Variants in PTPRD observed in about 807,000 individuals in gnomAD.
PTPRD encodes the protein protein tyrosine phosphatase receptor type D, also known as receptor-type tyrosine-protein phosphatase delta.
In PTPRD, 34 loss-of-function variants were observed where a neutral mutation model predicts 214.5. That is an observed-to-expected ratio of 0.16 (90% CI 0.12 to 0.21). PTPRD has a LOEUF of 0.21. PTPRD is among the 10% of genes least tolerant of loss of function. The probability of loss-of-function intolerance (pLI) is 1.00; values close to 1 mark genes in which losing one functional copy is unlikely to be tolerated. For synonymous variants in PTPRD, 1,128 were observed against 845.7 expected, an observed-to-expected ratio of 1.33 and a Z score of -5.79; for missense variants, 2,545 against 2,398.7, an observed-to-expected ratio of 1.06 and a Z score of -1.27.
At chr9:9,820,320 T>A (rs1003396994) in intron 5 of PTPRD, among the ~76,000 whole-genome samples, 3 of 152,170 alleles carry the variant, frequency 2.0e-5, no homozygotes, top group African/African-American at 7.2e-5. Flanking sequence ...ATTTTGCCCA[T>A]TTTTAAAATG....
chr9:9,516,340 A>G (rs182238330), intron 8 of PTPRD, among the ~76,000 whole-genome samples: 1 of 152,128 alleles, frequency 6.6e-6, no homozygotes, highest in East Asian at 1.9e-4. Context: ...AAAATTATCC[A>G]TAACTCTAAA....
intron 5 of PTPRD, among the ~76,000 whole-genome samples, chr9:9,934,268 CA>C (rs1264214630): frequency 2.7e-5 from 4 of 149,784 alleles, no homozygotes; most frequent in African/African-American, 1.0e-4. Context: ...AAAAACCCTT[CA>C]AAAAAATCAA....
intron 7 of PTPRD, among the ~76,000 whole-genome samples, chr9:9,712,905 G>C (rs1307282261): frequency 6.6e-6 from 1 of 152,120 alleles, no homozygotes. Context: ...GAACTGAAAA[G>C]ACCTACTGTA....
chr9:9,152,297 C>G (rs1342349192), intron 10 of PTPRD, among the ~76,000 whole-genome samples: 1 of 152,162 alleles, frequency 6.6e-6, no homozygotes. Flanking sequence ...ATTTCTCATC[C>G]TGATGCTCTG....
At chr9:10,259,248 T>C (rs2093526142) in intron 3 of PTPRD, among the ~76,000 whole-genome samples, 1 of 152,084 alleles carries the variant, frequency 6.6e-6, no homozygotes, top group Non-Finnish European at 1.5e-5. Context: ...ATGGTCTCTA[T>C]CTCCTGACCT....
chr9:8,658,312 A>T (rs991091832), intron 12 of PTPRD, among the ~76,000 whole-genome samples: 3 of 152,204 alleles, frequency 2.0e-5, no homozygotes, highest in Non-Finnish European at 4.4e-5. Context: ...TACTAGTTGC[A>T]ATAAATGTTC....
At chr9:9,798,086 TAAAAC>T (rs1207966288) in intron 5 of PTPRD, among the ~76,000 whole-genome samples, 1 of 151,928 alleles carries the variant, frequency 6.6e-6, no homozygotes, top group African/African-American at 2.4e-5. Flanking sequence ...GGAAGGGAAA[TAAAAC>T]AAAAGAATTT....
At chr9:9,644,275 G>A (rs1309806515) in intron 7 of PTPRD, among the ~76,000 whole-genome samples, 2 of 152,120 alleles carry the variant, frequency 1.3e-5, no homozygotes, top group African/African-American at 4.8e-5. Flanking sequence ...AGGGCAGGCT[G>A]GAACTGGGAG....
chr9:9,722,518 T>C (rs1300654616), intron 7 of PTPRD, among the ~76,000 whole-genome samples: 1 of 152,088 alleles, frequency 6.6e-6, no homozygotes. Context: ...ATGAATAATG[T>C]TCCTCGGAAT....
chr9:9,573,923 A>T (rs1459106949), intron 8 of PTPRD, among the ~76,000 whole-genome samples: 1 of 151,832 alleles, frequency 6.6e-6, no homozygotes, highest in Non-Finnish European at 1.5e-5. Flanking sequence ...CCCAAATAGG[A>T]GTTTTAATCA....
At chr9:9,983,869 A>C (rs1055215635) in intron 4 of PTPRD, among the ~76,000 whole-genome samples, 1 of 152,196 alleles carries the variant, frequency 6.6e-6, no homozygotes, top group Non-Finnish European at 1.5e-5. Context: ...CACAGGTAGC[A>C]GTTCACCGAT....
At chr9:9,797,292 T>A (rs552178471) in intron 5 of PTPRD, among the ~76,000 whole-genome samples, 9 of 148,504 alleles carry the variant, frequency 6.1e-5, no homozygotes, top group African/African-American at 2.2e-4. Context: ...TGTTTGGGTT[T>A]TTTTGCATGT....
intron 12 of PTPRD, among the ~76,000 whole-genome samples, chr9:8,645,041 T>A (rs1402839290): frequency 6.6e-6 from 1 of 152,394 alleles, no homozygotes; most frequent in East Asian, 1.9e-4. Flanking sequence ...TAGAAAATTA[T>A]AAAGATTGCA....
chr9:8,752,205 C>T (rs905146452), intron 11 of PTPRD, among the ~76,000 whole-genome samples: 37 of 152,202 alleles, frequency 2.4e-4, no homozygotes, highest in African/African-American at 7.9e-4. Flanking sequence ...ATAGGAGGTC[C>T]GCACAAGATA....
intron 3 of PTPRD, among the ~76,000 whole-genome samples, chr9:10,184,427 A>T (rs1206030170): frequency 6.6e-6 from 1 of 152,092 alleles, no homozygotes; most frequent in Non-Finnish European, 1.5e-5. Context: ...TCCATTAAAA[A>T]ATATAAATAA....
intron 3 of PTPRD, among the ~76,000 whole-genome samples, chr9:10,063,784 G>C (rs1433787664): frequency 1.3e-5 from 2 of 151,974 alleles, no homozygotes; most frequent in Non-Finnish European, 2.9e-5. Flanking sequence ...CTAGTTCAGA[G>C]GTAACTGGAC....
chr9:9,510,084 T>TC (rs2096663890), intron 8 of PTPRD, among the ~76,000 whole-genome samples: 1 of 151,650 alleles, frequency 6.6e-6, no homozygotes, highest in Non-Finnish European at 1.5e-5. Context: ...TCCCACAGGA[T>TC]CACCTTTACC....
chr9:10,419,864 T>G (rs1003121674), intron 2 of PTPRD, among the ~76,000 whole-genome samples: 7 of 151,948 alleles, frequency 4.6e-5, no homozygotes, highest in Admixed American at 1.3e-4. Flanking sequence ...AATTCAATAT[T>G]TAAACATACT....
chr9:10,499,728 T>G (rs962930635), intron 2 of PTPRD, among the ~76,000 whole-genome samples: 11 of 151,132 alleles, frequency 7.3e-5, no homozygotes, highest in Non-Finnish European at 1.5e-4. Flanking sequence ...GTTTCTCCTC[T>G]TCCCTTGATT....
Sources: allele counts gnomAD v4.1 joint callset (sites outside exome capture counted in the v4.1 genomes callset), GRCh38; gene constraint gnomAD v4.1.1; transcripts MANE v1.5; gene names NCBI Gene and HGNC (gene_info 2026-07-23, HGNC 2026-07-21).